MAD1L1: variants seen among roughly 807,000 people sequenced by gnomAD.
The protein encoded by MAD1L1 is mitotic arrest deficient 1 like 1, also known as mitotic spindle assembly checkpoint protein MAD1.
Under a neutral mutation model 96.9 loss-of-function variants are expected in MAD1L1, and 95 were observed. The ratio of observed to expected loss-of-function variants is 0.98; its 90% CI spans 0.83 to 1.16. MAD1L1 has a LOEUF of 1.16. Among genes scored for constraint, MAD1L1 ranks in the 50% most tolerant of loss-of-function variants. The probability of loss-of-function intolerance (pLI) is 0.00; values close to 1 mark genes in which losing one functional copy is unlikely to be tolerated. For missense variants in MAD1L1, 1,007 were observed against 954.4 expected (o/e 1.06, Z -0.73); for synonymous variants, 473 against 396.6 (o/e 1.19, Z -2.29).
At chr7:2,152,916 G>A (rs1253578897) in intron 10 of MAD1L1, among the ~76,000 whole-genome samples, 1 of 152,194 alleles carries the variant, frequency 6.6e-6, no homozygotes, top group Non-Finnish European at 1.5e-5. Context: ...CCGGGGACAT[G>A]AGGAGAAAAC....
chr7:1,884,110 C>T (rs958578464), intron 18 of MAD1L1, among the ~76,000 whole-genome samples: 2 of 152,242 alleles, frequency 1.3e-5, no homozygotes, highest in Non-Finnish European at 2.9e-5. Context: ...GCACTGGGAC[C>T]GCAAGCCAGA....
intron 18 of MAD1L1, among the ~76,000 whole-genome samples, chr7:1,897,611 G>T (rs1786963154): frequency 6.6e-6 from 1 of 152,242 alleles, no homozygotes; most frequent in African/African-American, 2.4e-5. Flanking sequence ...TCTGCTGTTG[G>T]ACCCCGCTCG....
At chr7:1,989,452 G>A (rs754235883) in intron 14 of MAD1L1, among the ~76,000 whole-genome samples, 76 of 152,364 alleles carry the variant, frequency 5.0e-4, no homozygotes, top group Middle Eastern at 3.4e-3. Context: ...CGGTGGGGCC[G>A]ACAGGGAGAG....
rs184357573 is a variant in MAD1L1, at chr7:2,227,066, G to A, written c.151-1516C>T. ...CCCAGCAGTTCGGGGGGCCAAGGTGGGTACATAACTTGAGGTCAGGAGTTT... is the reference window on the plus strand; with the variant it reads ...CCCAGCAGTTCGGGGGGCCAAGGTGAGTACATAACTTGAGGTCAGGAGTTT... On this transcript the variant is annotated intron_variant, in intron 3 of 18. Coordinates refer to ENST00000265854, the MANE Select transcript of MAD1L1 (RefSeq NM_001013836.2). Among the ~76,000 whole-genome samples the A allele has an allele frequency of 2.3e-4, 35 of 151,816 alleles. No homozygotes were observed. In the East Asian group the frequency reaches 6.8e-3, roughly 29 times the overall value.
chr7:1,854,585 C>T (rs1784151201), intron 18 of MAD1L1, among the ~76,000 whole-genome samples: 1 of 152,110 alleles, frequency 6.6e-6, no homozygotes. Context: ...AGGGCCCCAC[C>T]CTACCACCTC....
chr7:1,959,031 C>T (rs1380553313), intron 15 of MAD1L1, among the ~76,000 whole-genome samples: 3 of 152,176 alleles, frequency 2.0e-5, no homozygotes, highest in Admixed American at 6.5e-5. Flanking sequence ...GCAGCTGGAT[C>T]GCTTGAGGCC....
intron 11 of MAD1L1, among the ~76,000 whole-genome samples, chr7:2,140,465 G>A (rs941100969): frequency 2.6e-5 from 4 of 152,280 alleles, no homozygotes; most frequent in African/African-American, 9.6e-5. Flanking sequence ...CCGGGAGCAA[G>A]AGGCCAACCA....
At chr7:1,865,573 G>A (rs549298283) in intron 18 of MAD1L1, among the ~76,000 whole-genome samples, 3 of 152,346 alleles carry the variant, frequency 2.0e-5, no homozygotes, top group African/African-American at 7.2e-5. Context: ...ACGATGCAGG[G>A]AGGACTGGAG....
chr7:2,184,020 G>A (rs1791336086), intron 10 of MAD1L1, among the ~76,000 whole-genome samples: 2 of 152,112 alleles, frequency 1.3e-5, no homozygotes, highest in African/African-American at 4.8e-5. Flanking sequence ...GGAGGCCGAG[G>A]CGGGTGGATC....
intron 17 of MAD1L1, among the ~76,000 whole-genome samples, chr7:1,917,487 G>C (rs1306683666): frequency 6.6e-6 from 1 of 152,256 alleles, no homozygotes; most frequent in East Asian, 1.9e-4. Flanking sequence ...CCTCAGCACC[G>C]CCTGGCCGGG....
intron 11 of MAD1L1, among the ~76,000 whole-genome samples, chr7:2,084,269 CA>C (rs1196177042): frequency 6.6e-6 from 1 of 152,156 alleles, no homozygotes; most frequent in African/African-American, 2.4e-5. Context: ...CCTCAAAGTC[CA>C]GGGGGGACAG....
chr7:1,864,355 C>CCTTTCCT (rs1784674108), intron 18 of MAD1L1, among the ~76,000 whole-genome samples: 1 of 152,196 alleles, frequency 6.6e-6, no homozygotes, highest in African/African-American at 2.4e-5. Context: ...GGACGGGACT[C>CCTTTCCT]GGGGGAACTT....
At chr7:1,958,147 G>A (rs901447142) in intron 15 of MAD1L1, among the ~76,000 whole-genome samples, 1 of 152,196 alleles carries the variant, frequency 6.6e-6, no homozygotes, top group Admixed American at 6.5e-5. Context: ...GAAAAGACAG[G>A]AAAGGACTTC....
At chr7:2,116,578 G>T (rs963125927) in intron 11 of MAD1L1, among the ~76,000 whole-genome samples, 1 of 150,854 alleles carries the variant, frequency 6.6e-6, no homozygotes, top group South Asian at 2.1e-4. Context: ...GGGGGGGGGG[G>T]GGGCTCCTGT....
chr7:1,826,196 G>A (rs1036675289), intron 18 of MAD1L1, among the ~76,000 whole-genome samples: 1 of 152,106 alleles, frequency 6.6e-6, no homozygotes, highest in Non-Finnish European at 1.5e-5. Flanking sequence ...GTGCTGTGGG[G>A]CCAGCCTGCC....
chr7:2,049,685 G>A lies in MAD1L1; in HGVS notation c.1218+19509C>T, dbSNP rs567082517. On this transcript the variant is annotated intron_variant, in intron 12 of 18. Transcript: ENST00000265854. ...CAAGGGGCACTGGGCACTGCCTGGC[G>A]TGGGTGGCCAGACTCGCTTCATCAG... is the stretch of plus-strand genomic sequence containing the variant. 4.1e-3 allele frequency among the ~76,000 whole-genome samples: 620 copies of A among 152,328 alleles called. 6 individuals carry two copies. Among genetic ancestry groups the A allele is most frequent in the African/African-American group, 0.014 (583 of 41,562 alleles).
chr7:2,057,464 A>C (rs1195670648), intron 12 of MAD1L1, among the ~76,000 whole-genome samples: 1 of 152,184 alleles, frequency 6.6e-6, no homozygotes, highest in Non-Finnish European at 1.5e-5. Flanking sequence ...CAGTGAGCCA[A>C]GATTGCACCA....
rs79386012 is a variant in MAD1L1, at chr7:2,086,264, G to C, written c.1074-16926C>G. On this transcript the variant is annotated intron_variant, in intron 11 of 18. Transcript: ENST00000265854. ...CTCCCCAAAATGCATCCCATCCAAA[G>C]GAAGGTGCAGCTCAACAACTCAGCA... 6.7e-3 allele frequency among the ~76,000 whole-genome samples: 1,017 copies of C among 152,376 alleles called. 8 individuals carry two copies. The highest frequency in any genetic ancestry group is 0.01 in the Non-Finnish European group (704 of 68,042).
chr7:2,084,498 C>T lies in MAD1L1; in HGVS notation c.1074-15160G>A, dbSNP rs146460289. ...ACGAGGGAGCAGGTACCTGTGCTCACGGAGGTCCCCAGGCTCTGGCAGGCC... is the reference window on the plus strand; with the variant it reads ...ACGAGGGAGCAGGTACCTGTGCTCATGGAGGTCCCCAGGCTCTGGCAGGCC... On this transcript the variant is annotated intron_variant, in intron 11 of 18. Coordinates refer to ENST00000265854, the MANE Select transcript of MAD1L1 (RefSeq NM_001013836.2). 7.9e-5 allele frequency among the ~76,000 whole-genome samples: 12 copies of T among 152,356 alleles called. No homozygotes were observed. The East Asian group carries it at 1.4e-3, about 17-fold the overall frequency.
Sources: gnomAD v4.1 joint callset for allele counts (sites outside exome capture counted in the v4.1 genomes callset) on GRCh38, gnomAD v4.1.1 for gene constraint, MANE v1.5 for transcripts, NCBI Gene and HGNC (gene_info 2026-07-23, HGNC 2026-07-21) for gene names.